The following SLC2A14 variants were observed in gnomAD, a reference collection of about 807,000 sequenced individuals.
SLC2A14 encodes solute carrier family 2, facilitated glucose transporter member 14.
Under a neutral mutation model 43.0 loss-of-function variants are expected in SLC2A14, and 13 were observed. That is an observed-to-expected ratio of 0.30 (90% CI 0.20 to 0.48). SLC2A14 has a LOEUF of 0.48. SLC2A14 is among the 20% of genes least tolerant of loss of function. The pLI, the probability that SLC2A14 is intolerant of heterozygous loss-of-function variation, is 0.99. For missense variants in SLC2A14, 428 were observed against 620.4 expected, an observed-to-expected ratio of 0.69 and a Z score of 3.29; for synonymous variants, 190 against 233.8, an observed-to-expected ratio of 0.81 and a Z score of 1.71.
chr12:7,874,990 A>ATTT (rs1230841977), upstream of SLC2A14, among the ~76,000 whole-genome samples: 45 of 91,712 alleles, frequency 4.9e-4, 1 homozygote, highest in African/African-American at 1.8e-3. Context: ...TTTATATATA[A>ATTT]ATTATATATA....
chr12:7,838,408 A>G (rs1439534413), intron 2 of SLC2A14, among the ~76,000 whole-genome samples: 1 of 152,050 alleles, frequency 6.6e-6, no homozygotes, highest in Non-Finnish European at 1.5e-5. Context: ...TAAAAAATGG[A>G]ATTTGCCTTA....
chr12:7,840,011 C>G, intron 2 of SLC2A14: 1 of 348,630 alleles, frequency 2.9e-6, no homozygotes, highest in Non-Finnish European at 5.5e-6. Flanking sequence ...ACTCGGGTGG[C>G]TGAGGTGGGA....
intron 2 of SLC2A14, among the ~76,000 whole-genome samples, chr12:7,845,165 C>T (rs1378433756): frequency 6.6e-6 from 1 of 152,038 alleles, no homozygotes; most frequent in East Asian, 1.9e-4. Flanking sequence ...TCCCGTTTGC[C>T]CAGGACTATC....
upstream of SLC2A14, among the ~76,000 whole-genome samples, chr12:7,876,047 G>T (rs138843000): frequency 6.6e-5 from 10 of 151,842 alleles, no homozygotes; most frequent in Admixed American, 1.3e-4. Context: ...GGGAGGCCGA[G>T]GTGGGCAGAT....
upstream of SLC2A14, among the ~76,000 whole-genome samples, chr12:7,874,772 C>T (rs1565584488): frequency 6.4e-5 from 5 of 78,572 alleles, no homozygotes; most frequent in Non-Finnish European, 1.2e-4. Context: ...ACTATATAAA[C>T]ATATATAAAT....
intron 3 of SLC2A14, among the ~76,000 whole-genome samples, chr12:7,832,219 A>G (rs1370610871): frequency 6.6e-6 from 1 of 152,036 alleles, no homozygotes; most frequent in Non-Finnish European, 1.5e-5. Flanking sequence ...ATTAATGTTA[A>G]CTCTCCCTGG....
chr12:7,828,458 G>C (rs1187004321), intron 6 of SLC2A14, among the ~76,000 whole-genome samples: 5 of 151,784 alleles, frequency 3.3e-5, no homozygotes, highest in Admixed American at 3.3e-4. Flanking sequence ...TGATGCAGGA[G>C]AATCGCTTAG....
At chr12:7,820,737 G>T (rs749791848) in intron 8 of SLC2A14, among the ~76,000 whole-genome samples, 1,759 of 151,792 alleles carry the variant, frequency 0.012, 35 homozygotes, top group Admixed American at 0.053. Flanking sequence ...ATCCATATTT[G>T]CTTGAAGAAT....
Position 7,832,775 on chromosome 12 carries a change from T to G in SLC2A14, c.58A>C (p.Ile20Leu). Residue 20 changes from isoleucine (I) to leucine (L), a missense_variant, in exon 3 of 11, where the codon ATC (isoleucine) becomes CTC (leucine). By Grantham distance (5) the Ile-to-Leu change is conservative. Around this residue, in one of 4 missense-constraint regions of SLC2A14, gnomAD observed 122 missense variants for 128.8 expected, o/e 0.95. Coordinates refer to ENST00000431042, the MANE Select transcript of SLC2A14 (RefSeq NM_001286234.2). ...TTGTAGCCAAACTGGAAAGAGCCGATTGTAGCAACTGTGATGGCAAAGATC... is the reference window on the plus strand; with the variant it reads ...TTGTAGCCAAACTGGAAAGAGCCGAGTGTAGCAACTGTGATGGCAAAGATC... ...ALIFAITVAT[I>L]GSFQFGYNTG... 6.2e-7 allele frequency: 1 copy of G among 1,614,094 alleles called. No homozygotes were observed. The highest frequency in any genetic ancestry group is 2.2e-5 in the East Asian group (1 of 44,874).
intron 6 of SLC2A14, 148 bp downstream of exon 6, chr12:7,828,556 G>GA: frequency 1.1e-6 from 1 of 898,018 alleles, no homozygotes; most frequent in Admixed American, 2.9e-5. Flanking sequence ...CTCAAAAAAA[G>GA]AAAAAACAAA....
chr12:7,857,941 T>C (rs1360476382), intron 2 of SLC2A14, among the ~76,000 whole-genome samples: 1 of 152,086 alleles, frequency 6.6e-6, no homozygotes, highest in African/African-American at 2.4e-5. Context: ...CTGGCCAACA[T>C]GGTGAAACCC....
chr12:7,844,529 TA>T (rs1352162799), intron 2 of SLC2A14, among the ~76,000 whole-genome samples: 2 of 147,890 alleles, frequency 1.4e-5, no homozygotes, highest in Non-Finnish European at 3.0e-5. Context: ...TTTTTGCCAG[TA>T]AATAGTAAAC....
At position 7,826,858 on chromosome 12, in the gene SLC2A14, C is replaced by CCTTTCTT. The variant is rs1565507403; in HGVS notation, c.864+636_864+637insAAGAAAG. 6.7e-4 allele frequency among the ~76,000 whole-genome samples: 29 copies of CCTTTCTT among 43,240 alleles called. 1 individual carries two copies. The highest frequency in any genetic ancestry group is 0.019 in the Middle Eastern group (2 of 104). The allele number at this position is 43,240 out of a possible 152,430, so 28.4% of individuals were successfully genotyped here. ...CTTTCCTTCCTTCCTTCCTTCCTTT[C>CCTTTCTT]TTTTTTCTTTCTTTCTTTCTTTCTT... On this transcript the variant is annotated intron_variant, in intron 7 of 10. Transcript: ENST00000431042.
chr12:7,824,852 GC>G, intron 7 of SLC2A14, among the ~76,000 whole-genome samples: 1 of 151,608 alleles, frequency 6.6e-6, no homozygotes, highest in East Asian at 1.9e-4. Context: ...CATCCACCAC[GC>G]CCGGCTAATT....
chr12:7,872,877 C>A lies in SLC2A14; in HGVS notation c.-128G>T. ...CCACGCACCTCCCGGGCCGCTGCGCCCCCGCCGGCCCCGCCTGCAGCCGTT... is the reference window on the plus strand; with the variant it reads ...CCACGCACCTCCCGGGCCGCTGCGCACCCGCCGGCCCCGCCTGCAGCCGTT... On this transcript the variant is annotated 5_prime_UTR_variant, in exon 1 of 11. Coordinates refer to ENST00000431042, the MANE Select transcript of SLC2A14 (RefSeq NM_001286234.2). 1 of 985,618 alleles carries A rather than the reference C, an allele frequency of 1.0e-6. No individual in the cohort carries two copies. 61.1% of individuals were successfully genotyped at this position (985,618 alleles called of 1,614,324 possible).
chr12:7,873,313 G>A, upstream of SLC2A14: 1 of 985,328 alleles, frequency 1.0e-6, no homozygotes, highest in African/African-American at 1.7e-5. Context: ...GGGCGGGCCG[G>A]CTGGGCTGGG....
intron 2 of SLC2A14, among the ~76,000 whole-genome samples, chr12:7,853,221 A>G (rs1028360581): frequency 6.6e-6 from 1 of 152,008 alleles, no homozygotes; most frequent in Admixed American, 6.6e-5. Flanking sequence ...TGGATGGATC[A>G]TGAGGTCAGG....
chr12:7,877,424 A>T (rs1362513221), upstream of SLC2A14, among the ~76,000 whole-genome samples: 1 of 151,750 alleles, frequency 6.6e-6, no homozygotes, highest in African/African-American at 2.4e-5. Flanking sequence ...GAGAGTACAA[A>T]ATTTTTTCTT....
At chr12:7,886,577 G>GT (rs1945692788) in intron 1 of SLC2A14, among the ~76,000 whole-genome samples, 1 of 151,970 alleles carries the variant, frequency 6.6e-6, no homozygotes, top group African/African-American at 2.4e-5. Flanking sequence ...AGAATATGCT[G>GT]ATAATTCCAT....
Sources: allele counts gnomAD v4.1 joint callset (sites outside exome capture counted in the v4.1 genomes callset), GRCh38; gene constraint gnomAD v4.1.1; regional missense constraint gnomAD v4.1.1; transcripts MANE v1.5; gene names NCBI Gene and HGNC (gene_info 2026-07-23, HGNC 2026-07-21).